The following RTKN2 variants were observed in gnomAD, a reference collection of about 807,000 sequenced individuals.
RTKN2 encodes the protein rhotekin-2.
In RTKN2, 69 loss-of-function variants were observed where a neutral mutation model predicts 71.5. The ratio of observed to expected loss-of-function variants is 0.96; its 90% confidence interval spans 0.79 to 1.18. The LOEUF is 1.18. RTKN2 is among the 50% of genes most tolerant of loss of function. RTKN2 has a pLI of 0.00. For synonymous variants in RTKN2, 236 were observed against 236.5 expected (o/e 1.00, Z 0.02); for missense variants, 724 against 719.7 (o/e 1.01, Z -0.07).
intron 2 of RTKN2, among the ~76,000 whole-genome samples, chr10:62,251,177 T>G (rs1842573998): frequency 6.6e-6 from 1 of 152,178 alleles, no homozygotes; most frequent in African/African-American, 2.4e-5. Flanking sequence ...TCATTTAAAC[T>G]CATCACAAAA....
intron 3 of RTKN2, among the ~76,000 whole-genome samples, chr10:62,242,776 T>G (rs964677180): frequency 6.6e-5 from 10 of 151,784 alleles, no homozygotes; most frequent in Admixed American, 4.6e-4. Context: ...TTTACGGGCA[T>G]GCACCACCAC....
intron 9 of RTKN2, among the ~76,000 whole-genome samples, chr10:62,211,953 C>T (rs931836439): frequency 1.3e-5 from 2 of 152,052 alleles, no homozygotes; most frequent in African/African-American, 2.4e-5. Flanking sequence ...CGTGAGCTAC[C>T]GCACCCAGCC....
chr10:62,206,729 C>A (rs574516250), intron 9 of RTKN2, among the ~76,000 whole-genome samples: 11 of 151,892 alleles, frequency 7.2e-5, no homozygotes, highest in African/African-American at 2.4e-4. Flanking sequence ...TTTGACTATA[C>A]GCCCAGTATC....
At chr10:62,267,092 TCTGA>T (rs1301710263) in intron 1 of RTKN2, among the ~76,000 whole-genome samples, 12 of 152,214 alleles carry the variant, frequency 7.9e-5, no homozygotes, top group African/African-American at 2.9e-4. Context: ...TATAAAATTA[TCTGA>T]CTCTCAATAT....
chr10:62,204,941 C>G lies in RTKN2; in HGVS notation c.1102G>C (p.Ala368Pro). ...TCAACTGCAAAAATCTGAGTTATAG[C>G]TTGTCCAGGAACAGGATTGATGACA... ...FSVINPVPGQAITQIFAVDNR... is the reference protein window; with the variant it reads ...FSVINPVPGQPITQIFAVDNR... Residue 368 changes from alanine (A) to proline (P), a missense_variant, in exon 10 of 12, where the codon GCT (alanine) becomes CCT (proline). Ala to Pro is a conservative substitution (Grantham distance 27). Coordinates refer to ENST00000373789, the MANE Select transcript of RTKN2 (RefSeq NM_145307.4). The G allele has an allele frequency of 6.2e-7, 1 of 1,604,812 alleles. No individual in the cohort carries two copies. The highest frequency in any genetic ancestry group is 8.5e-7 in the Non-Finnish European group (1 of 1,176,728).
intron 10 of RTKN2, among the ~76,000 whole-genome samples, chr10:62,201,284 A>T (rs1841436092): frequency 6.6e-6 from 1 of 152,168 alleles, no homozygotes; most frequent in Non-Finnish European, 1.5e-5. Context: ...ATACTCTCAT[A>T]GTAATATGAT....
downstream of RTKN2, among the ~76,000 whole-genome samples, chr10:62,188,824 T>C (rs1405871753): frequency 3.3e-5 from 5 of 152,000 alleles, no homozygotes; most frequent in Non-Finnish European, 7.4e-5. Flanking sequence ...CTTGGCTCAC[T>C]GCAAGCTCCG....
At chr10:62,199,262 A>C (rs376559608) in intron 11 of RTKN2, among the ~76,000 whole-genome samples, 99 of 152,346 alleles carry the variant, frequency 6.5e-4, no homozygotes, top group African/African-American at 2.1e-3. Context: ...GGTGTGGGAA[A>C]TTGAATATTA....
Position 62,195,602 on chromosome 10 carries a change from G to GGAAT in RTKN2, c.*2302_*2305dup, listed in dbSNP as rs200457241. 0.025 allele frequency: 4,161 copies of GGAAT among 163,814 alleles called. 688 individuals carry two copies. The highest frequency in any genetic ancestry group is 0.055 in the East Asian group (107 of 1,942). The allele number at this position is 163,814 out of a possible 1,614,324, so 10.1% of individuals were successfully genotyped here. On this transcript the variant is annotated 3_prime_UTR_variant, in exon 12 of 12. Coordinates refer to ENST00000373789, the MANE Select transcript of RTKN2 (RefSeq NM_145307.4). ...AGGAGGGAAGGAGAGACGGACAGAG[G>GGAAT]GAATGAAGGAAGGAAGGAAGGAAGG...
downstream of RTKN2, among the ~76,000 whole-genome samples, chr10:62,190,259 C>T (rs1034699471): frequency 3.3e-5 from 5 of 152,070 alleles, no homozygotes; most frequent in South Asian, 1.0e-3. Context: ...TGCTTTTTTG[C>T]TATTTCACGT....
intron 3 of RTKN2, among the ~76,000 whole-genome samples, chr10:62,242,243 A>C (rs1442156791): frequency 6.6e-6 from 1 of 152,020 alleles, no homozygotes; most frequent in Non-Finnish European, 1.5e-5. Context: ...TTACTTGCTA[A>C]TTTCTTTATA....
In RTKN2 at chr10:62,268,747, G is replaced by A. The variant is rs1442875770; in HGVS notation, c.-137C>T. Reference sequence around the variant, plus strand: ...AGTCGCAGGGGCCGGGGGCGCAGGAGGAGCCGGGCCGAAGCGCACGCGCAG... The same window carrying A: ...AGTCGCAGGGGCCGGGGGCGCAGGAAGAGCCGGGCCGAAGCGCACGCGCAG... On this transcript the variant is annotated 5_prime_UTR_variant, in exon 1 of 12. Transcript: ENST00000373789. 5.5e-6 allele frequency: 5 copies of A among 909,122 alleles called. No homozygotes were observed. The highest frequency in any genetic ancestry group is 2.8e-5 in the East Asian group (1 of 35,258). 56.3% of individuals were successfully genotyped at this position (909,122 alleles called of 1,614,324 possible). A position where few individuals can be genotyped will look rare whatever the true frequency, so the allele number is the denominator to read the frequency against.
intron 6 of RTKN2, among the ~76,000 whole-genome samples, chr10:62,232,796 C>G (rs1261121947): frequency 6.6e-6 from 1 of 151,616 alleles, no homozygotes; most frequent in African/African-American, 2.4e-5. Flanking sequence ...ATAATGGTAA[C>G]AGAGCTTACT....
chr10:62,197,603 A>C lies in RTKN2; in HGVS notation c.*305T>G, dbSNP rs1841354994. 6.4e-6 allele frequency: 7 copies of C among 1,087,496 alleles called. No homozygotes were observed. The highest frequency in any genetic ancestry group is 7.8e-6 in the Non-Finnish European group (7 of 896,132). 67.4% of individuals were successfully genotyped at this position (1,087,496 alleles called of 1,614,324 possible). On this transcript the variant is annotated 3_prime_UTR_variant, in exon 12 of 12. Coordinates refer to ENST00000373789, the MANE Select transcript of RTKN2 (RefSeq NM_145307.4). ...TCCCCAAAAGAAATTTTAATGCTTTATTCTGCCTAGGGCTTATTCACTGCC... is the reference window on the plus strand; with the variant it reads ...TCCCCAAAAGAAATTTTAATGCTTTCTTCTGCCTAGGGCTTATTCACTGCC...
intron 2 of RTKN2, among the ~76,000 whole-genome samples, chr10:62,250,747 A>G (rs1264184214): frequency 2.0e-5 from 3 of 152,276 alleles, no homozygotes; most frequent in African/African-American, 7.2e-5. Context: ...CTGCCACCTC[A>G]GCTTCCTGAG....
intron 2 of RTKN2, among the ~76,000 whole-genome samples, chr10:62,250,822 T>A (rs1842566628): frequency 6.6e-6 from 1 of 152,036 alleles, no homozygotes; most frequent in African/African-American, 2.4e-5. Context: ...GTAGAGACAG[T>A]GTTATACGAT....
chr10:62,248,739 C>CA (rs1402508788), intron 2 of RTKN2, among the ~76,000 whole-genome samples: 5 of 152,064 alleles, frequency 3.3e-5, no homozygotes, highest in Non-Finnish European at 4.4e-5. Context: ...CATTGTTGCT[C>CA]AAAAATTTGT....
Position 62,218,108 on chromosome 10 carries a change from C to A in RTKN2, c.888+87G>T, listed in dbSNP as rs1223229469. On this transcript the variant is annotated intron_variant, in intron 8 of 11. Coordinates refer to ENST00000373789, the MANE Select transcript of RTKN2 (RefSeq NM_145307.4). ...TTAAAAAAAGACTTAAAAAATACTT[C>A]TCAATATCAGAAGGTGAAACAACTG... The A allele has an allele frequency of 8.6e-6, 7 of 809,568 alleles. No homozygotes were observed. The East Asian group carries it at 1.3e-4, about 15-fold the overall frequency. 50.1% of individuals were successfully genotyped at this position (809,568 alleles called of 1,614,324 possible).
In RTKN2 at chr10:62,196,347, TC is replaced by T; in HGVS notation, c.*1560del. On this transcript the variant is annotated 3_prime_UTR_variant, in exon 12 of 12. Coordinates refer to ENST00000373789, the MANE Select transcript of RTKN2 (RefSeq NM_145307.4). ...ATCAAGCAGGCATATAGTACTTTCT[TC>T]TCACCAAAAACTCTGTCTGTCCTGA... 1.1e-5 allele frequency: 11 copies of T among 984,188 alleles called. No homozygotes were observed. The highest frequency in any genetic ancestry group is 1.3e-5 in the Non-Finnish European group (11 of 828,854). 61.0% of individuals were successfully genotyped at this position (984,188 alleles called of 1,614,324 possible).
Sources: gnomAD v4.1 joint callset for allele counts (sites outside exome capture counted in the v4.1 genomes callset) on GRCh38, gnomAD v4.1.1 for gene constraint, MANE v1.5 for transcripts, NCBI Gene and HGNC (gene_info 2026-07-23, HGNC 2026-07-21) for gene names.